Variants in NBEA observed in about 807,000 individuals in gnomAD.
NBEA encodes the protein lysosomal-trafficking regulator 2.
Under a neutral mutation model 343.4 loss-of-function variants are expected in NBEA, and 44 were observed. The ratio of observed to expected loss-of-function variants is 0.13; its 90% CI spans 0.10 to 0.16. NBEA has a LOEUF of 0.16. Among genes scored for constraint, NBEA ranks in the 10% least tolerant of loss-of-function variants. The probability of loss-of-function intolerance (pLI) is 1.00; values close to 1 mark genes in which losing one functional copy is unlikely to be tolerated. For synonymous variants in NBEA, 1,175 were observed against 1,238.7 expected, an observed-to-expected ratio of 0.95 and a Z score of 1.08; for missense variants, 2,555 against 3,631.3, an observed-to-expected ratio of 0.70 and a Z score of 7.62.
intron 11 of NBEA, among the ~76,000 whole-genome samples, chr13:35,101,970 C>A (rs1231705586): frequency 6.6e-6 from 1 of 151,610 alleles, no homozygotes; most frequent in African/African-American, 2.4e-5. Flanking sequence ...AGACCCATAT[C>A]CTGAAGCCAT....
At chr13:35,478,670 C>T (rs2152964343) in intron 41 of NBEA, among the ~76,000 whole-genome samples, 1 of 152,382 alleles carries the variant, frequency 6.6e-6, no homozygotes, top group East Asian at 1.9e-4. Flanking sequence ...ACGGTCTGCC[C>T]ACGCACCCCT....
In NBEA at chr13:35,094,696, T is replaced by C. The variant is rs538149026; in HGVS notation, c.1572-3601T>C. 1.4e-3 allele frequency among the ~76,000 whole-genome samples: 210 copies of C among 152,116 alleles called. 1 individual carries two copies. The highest frequency in any genetic ancestry group is 4.9e-3 in the African/African-American group (202 of 41,522). Reference sequence around the variant, plus strand: ...TGATCACTCTCATTTAGGAATAGTTTTGTAGTGAGAGAAATACTATAGAAA... The same window carrying C: ...TGATCACTCTCATTTAGGAATAGTTCTGTAGTGAGAGAAATACTATAGAAA... On this transcript the variant is annotated intron_variant, in intron 10 of 58. Transcript: ENST00000379939.
chr13:35,069,647 T>C (rs1418633729), intron 8 of NBEA, among the ~76,000 whole-genome samples: 1 of 152,124 alleles, frequency 6.6e-6, no homozygotes, highest in Non-Finnish European at 1.5e-5. Flanking sequence ...AGGTTTGATA[T>C]TTTTTCTAAT....
chr13:35,253,934 G>A (rs368829547), intron 34 of NBEA, among the ~76,000 whole-genome samples: 8 of 152,032 alleles, frequency 5.3e-5, no homozygotes, highest in South Asian at 2.1e-4. Flanking sequence ...AAGTTCTTTC[G>A]TGATCCAAGT....
chr13:35,333,344 G>C (rs1292399471), intron 36 of NBEA, among the ~76,000 whole-genome samples: 11 of 152,076 alleles, frequency 7.2e-5, no homozygotes, highest in Admixed American at 7.2e-4. Context: ...GATGTTTATT[G>C]ATGATTCATC....
intron 36 of NBEA, among the ~76,000 whole-genome samples, chr13:35,325,087 G>A (rs1360133945): frequency 2.0e-5 from 3 of 151,936 alleles, no homozygotes. Context: ...AATTCTTAAT[G>A]CTGATCGGGT....
chr13:35,625,408 G>A lies in NBEA; in HGVS notation c.7450-2673G>A, dbSNP rs576706026. On this transcript the variant is annotated intron_variant, in intron 48 of 58. Coordinates refer to ENST00000379939, the MANE Select transcript of NBEA (RefSeq NM_001385012.1). ...GAGGCAGGCGGATCACGTGAGCTCA[G>A]GAGTTTGAGACCAGCCTGGGCAACA... Among the ~76,000 whole-genome samples, 5 of 152,224 alleles carry A rather than the reference G, an allele frequency of 3.3e-5. No homozygotes were observed. In the East Asian group the frequency reaches 7.7e-4, roughly 24 times the overall value.
At chr13:34,973,844 C>T (rs1403231522) in intron 1 of NBEA, among the ~76,000 whole-genome samples, 16 of 152,260 alleles carry the variant, frequency 1.1e-4, no homozygotes, top group Non-Finnish European at 8.8e-5. Flanking sequence ...GGGGTATGTA[C>T]GGAAGTCCAA....
intron 34 of NBEA, among the ~76,000 whole-genome samples, chr13:35,265,166 G>C (rs1452444276): frequency 1.3e-5 from 2 of 151,818 alleles, no homozygotes; most frequent in African/African-American, 4.8e-5. Context: ...AAATGCTTAG[G>C]AATGTGTTTA....
chr13:35,118,609 G>A (rs767797416), intron 16 of NBEA, 135 bp downstream of exon 16: 115 of 638,282 alleles, frequency 1.8e-4, no homozygotes, highest in Non-Finnish European at 2.5e-4. Flanking sequence ...GGAGAATGCT[G>A]CTATTGATCC....
At chr13:35,323,927 AT>A (rs1162499153) in intron 36 of NBEA, among the ~76,000 whole-genome samples, 9 of 151,766 alleles carry the variant, frequency 5.9e-5, no homozygotes, top group Admixed American at 2.6e-4. Context: ...CACATATCAT[AT>A]TTTTTTTGTT....
intron 31 of NBEA, among the ~76,000 whole-genome samples, chr13:35,196,737 G>C (rs2072634371): frequency 6.6e-6 from 1 of 151,994 alleles, no homozygotes; most frequent in Non-Finnish European, 1.5e-5. Context: ...CATGCTTTAA[G>C]TGATAATATT....
chr13:34,944,305 A>G (rs2059123654), intron 1 of NBEA, among the ~76,000 whole-genome samples: 2 of 152,196 alleles, frequency 1.3e-5, no homozygotes, highest in South Asian at 4.1e-4. Flanking sequence ...TACTTACTCT[A>G]TTGGAAAACT....
intron 38 of NBEA, among the ~76,000 whole-genome samples, chr13:35,428,654 G>T (rs1392070311): frequency 6.6e-6 from 1 of 151,784 alleles, no homozygotes; most frequent in Non-Finnish European, 1.5e-5. Flanking sequence ...TTTCATAATT[G>T]CTTATTGAAG....
In NBEA at chr13:35,490,121, C is replaced by T. The variant is rs2076449706; in HGVS notation, c.6585+17585C>T. Among the ~76,000 whole-genome samples, 4 of 151,782 alleles carry T rather than the reference C, an allele frequency of 2.6e-5. No individual in the cohort carries two copies. The South Asian group carries it at 6.2e-4, about 24-fold the overall frequency. On this transcript the variant is annotated intron_variant, in intron 41 of 58. Coordinates refer to ENST00000379939, the MANE Select transcript of NBEA (RefSeq NM_001385012.1). ...TTCAGATCTGGTAGCTTACTGAGGG[C>T]ACACTAGAATGAGGACAGACACAAA...
At chr13:35,565,971 G>C (rs1036482219) in intron 44 of NBEA, among the ~76,000 whole-genome samples, 2 of 152,150 alleles carry the variant, frequency 1.3e-5, no homozygotes, top group Non-Finnish European at 2.9e-5. Flanking sequence ...GAGTACTTCT[G>C]TCCACTCGCA....
chr13:35,149,804 T>C (rs2068659501), intron 18 of NBEA, among the ~76,000 whole-genome samples: 1 of 152,172 alleles, frequency 6.6e-6, no homozygotes, highest in Admixed American at 6.5e-5. Flanking sequence ...AATAACATAA[T>C]ATGTTGAATT....
chr13:35,498,319 A>G (rs2076760383), intron 41 of NBEA, among the ~76,000 whole-genome samples: 1 of 152,010 alleles, frequency 6.6e-6, no homozygotes, highest in Non-Finnish European at 1.5e-5. Flanking sequence ...AATCATTGAT[A>G]ATTACTGTTC....
At chr13:35,087,253 A>C (rs1292713321) in intron 10 of NBEA, among the ~76,000 whole-genome samples, 2 of 151,834 alleles carry the variant, frequency 1.3e-5, no homozygotes, top group African/African-American at 2.4e-5. Context: ...AGAAAAAAAC[A>C]TGGTGAAAAC....
Sources: allele counts gnomAD v4.1 joint callset (sites outside exome capture counted in the v4.1 genomes callset), GRCh38; gene constraint gnomAD v4.1.1; transcripts MANE v1.5; gene names NCBI Gene and HGNC (gene_info 2026-07-23, HGNC 2026-07-21).